PELI2: variants seen among roughly 807,000 people sequenced by gnomAD.
The protein encoded by PELI2 is pellino E3 ubiquitin protein ligase family member 2.
Under a neutral mutation model 42.3 loss-of-function variants are expected in PELI2, and 23 were observed. The ratio of observed to expected loss-of-function variants is 0.54; its 90% CI spans 0.39 to 0.77. The LOEUF (loss-of-function observed/expected upper bound fraction) is 0.77. Ranked by LOEUF, PELI2 falls within the 30% of genes least tolerant of loss-of-function variation. PELI2 has a pLI of 0.00. For missense variants in PELI2, 463 were observed against 553.2 expected (o/e 0.84, Z 1.64); for synonymous variants, 245 against 212.2 (o/e 1.15, Z -1.34).
At chr14:56,174,214 T>C (rs1230823361) in intron 1 of PELI2, among the ~76,000 whole-genome samples, 2 of 152,218 alleles carry the variant, frequency 1.3e-5, no homozygotes, top group South Asian at 2.1e-4. Context: ...TGGATTTATC[T>C]TTTTAAGGCC....
intron 2 of PELI2, among the ~76,000 whole-genome samples, chr14:56,210,258 C>T (rs946393652): frequency 6.6e-5 from 10 of 151,848 alleles, no homozygotes; most frequent in African/African-American, 2.2e-4. Flanking sequence ...CAGTGGATAC[C>T]GTCTGCAATT....
intron 2 of PELI2, among the ~76,000 whole-genome samples, chr14:56,186,394 A>T (rs1443450145): frequency 3.9e-5 from 6 of 152,214 alleles, no homozygotes; most frequent in Non-Finnish European, 7.3e-5. Context: ...TTGGCCTTGT[A>T]AGACTCAGGC....
At chr14:56,256,628 TTTC>T (rs1283207999) in intron 2 of PELI2, among the ~76,000 whole-genome samples, 1 of 152,222 alleles carries the variant, frequency 6.6e-6, no homozygotes, top group African/African-American at 2.4e-5. Flanking sequence ...GAAGTCTGCT[TTTC>T]TTATTTAAGA....
At chr14:56,198,580 G>A (rs1050798545) in intron 2 of PELI2, among the ~76,000 whole-genome samples, 18 of 152,126 alleles carry the variant, frequency 1.2e-4, no homozygotes, top group African/African-American at 2.2e-4. Context: ...ATGGAGCAGC[G>A]GGGACAGTGT....
chr14:56,231,240 G>GC (rs1265169204), intron 2 of PELI2, among the ~76,000 whole-genome samples: 11 of 152,238 alleles, frequency 7.2e-5, no homozygotes, highest in Admixed American at 7.2e-4. Flanking sequence ...CTTGAACTCA[G>GC]CCCTGCACCA....
rs975210248 is a variant in PELI2, at chr14:56,299,134, A to G, written c.*1968A>G. ...TGTATGCCTAGAAAGTGGTTGAAGG[A>G]TTCTTGATGCCCTAAAACCATCTTG... is the stretch of plus-strand genomic sequence containing the variant. On this transcript the variant is annotated 3_prime_UTR_variant, in exon 6 of 6. Transcript: ENST00000267460. 6.6e-6 allele frequency: 1 copy of G among 152,180 alleles called. No homozygotes were observed. The highest frequency in any genetic ancestry group is 2.4e-5 in the African/African-American group (1 of 41,438). 9.4% of individuals were successfully genotyped at this position (152,180 alleles called of 1,614,324 possible).
intron 1 of PELI2, among the ~76,000 whole-genome samples, chr14:56,136,860 C>A (rs755926186): frequency 3.4e-4 from 51 of 152,172 alleles, no homozygotes; most frequent in Non-Finnish European, 2.5e-4. Flanking sequence ...CCAGGTAGAC[C>A]TTGGCAGTTT....
At chr14:56,280,103 A>G (rs1305296017) in intron 3 of PELI2, among the ~76,000 whole-genome samples, 1 of 152,182 alleles carries the variant, frequency 6.6e-6, no homozygotes, top group Non-Finnish European at 1.5e-5. Flanking sequence ...TGAAAGGGAC[A>G]TCCAAACTAC....
At chr14:56,243,784 A>G (rs932008896) in intron 2 of PELI2, among the ~76,000 whole-genome samples, 1 of 152,242 alleles carries the variant, frequency 6.6e-6, no homozygotes, top group South Asian at 2.1e-4. Context: ...TAAATAGTGA[A>G]GGGAAACCCA....
intron 1 of PELI2, among the ~76,000 whole-genome samples, chr14:56,149,607 T>G (rs1884262142): frequency 6.6e-6 from 1 of 152,190 alleles, no homozygotes; most frequent in South Asian, 2.1e-4. Context: ...CTTTTTTTTT[T>G]TCTTTTTTAA....
intron 4 of PELI2, among the ~76,000 whole-genome samples, chr14:56,289,325 G>T (rs1246712752): frequency 6.6e-6 from 1 of 152,102 alleles, no homozygotes; most frequent in East Asian, 1.9e-4. Flanking sequence ...TCTGCCTCCC[G>T]TGGTGCACCA....
At chr14:56,269,954 C>A (rs1663356151) in intron 2 of PELI2, among the ~76,000 whole-genome samples, 1 of 152,232 alleles carries the variant, frequency 6.6e-6, no homozygotes, top group South Asian at 2.1e-4. Flanking sequence ...GTACCACCAA[C>A]CAGATCTAGC....
intron 3 of PELI2, among the ~76,000 whole-genome samples, chr14:56,282,631 T>C (rs528572889): frequency 1.9e-4 from 29 of 152,042 alleles, no homozygotes; most frequent in South Asian, 1.2e-3. Context: ...TTTATAAAAA[T>C]AGTTATTAAA....
chr14:56,215,649 C>T (rs1219535684), intron 2 of PELI2, among the ~76,000 whole-genome samples: 2 of 152,196 alleles, frequency 1.3e-5, no homozygotes, highest in Non-Finnish European at 2.9e-5. Flanking sequence ...GGTAGCAAAA[C>T]ACATGAGTTA....
chr14:56,178,520 C>T (rs929672237), intron 2 of PELI2, 56 bp downstream of exon 2: 15 of 1,581,756 alleles, frequency 9.5e-6, no homozygotes, highest in Non-Finnish European at 3.5e-6. Context: ...CTCACAGATA[C>T]TCCTTGTCCG....
At chr14:56,264,701 A>T (rs1594696999) in intron 2 of PELI2, among the ~76,000 whole-genome samples, 1 of 152,198 alleles carries the variant, frequency 6.6e-6, no homozygotes, top group Non-Finnish European at 1.5e-5. Context: ...CGTTATAAAG[A>T]TTATTATGTG....
At chr14:56,166,932 C>T (rs555042387) in intron 1 of PELI2, among the ~76,000 whole-genome samples, 26 of 152,256 alleles carry the variant, frequency 1.7e-4, no homozygotes, top group East Asian at 3.9e-4. Flanking sequence ...GGACTACAGG[C>T]GCCTGCCACC....
At chr14:56,253,532 C>A (rs879249633) in intron 2 of PELI2, among the ~76,000 whole-genome samples, 1 of 152,178 alleles carries the variant, frequency 6.6e-6, no homozygotes, top group Non-Finnish European at 1.5e-5. Context: ...GTGCAAAAAT[C>A]AGAAGCATTC....
chr14:56,296,808 TGGA>T lies in PELI2; in HGVS notation c.910_912del (p.Glu304del). The T allele has an allele frequency of 6.2e-7, 1 of 1,613,870 alleles. No homozygotes were observed. Among genetic ancestry groups the T allele is most frequent in the Non-Finnish European group, 8.5e-7 (1 of 1,179,948 alleles). On this transcript the variant is annotated inframe_deletion, in exon 6 of 6. Transcript: ENST00000267460. ...CCCAGCATCAACAGGAAAGAGGTGG[TGGA>T]GGAGAAGCAGCCCTGGGCATATCTC...
Sources: gnomAD v4.1 joint callset for allele counts (sites outside exome capture counted in the v4.1 genomes callset) on GRCh38, gnomAD v4.1.1 for gene constraint, MANE v1.5 for transcripts, NCBI Gene and HGNC (gene_info 2026-07-23, HGNC 2026-07-21) for gene names.